The following ATP9B variants were observed in gnomAD, a reference collection of about 807,000 sequenced individuals.
ATP9B encodes ATPase phospholipid transporting 9B.
A neutral mutation model predicts 146.1 loss-of-function variants in ATP9B; 110 were observed. The observed-to-expected ratio is 0.75, with a 90% CI of 0.65 to 0.88. The LOEUF is 0.88. ATP9B is among the 40% of genes least tolerant of loss of function. The probability of loss-of-function intolerance (pLI) is 0.00; values close to 1 mark genes in which losing one functional copy is unlikely to be tolerated. For missense variants in ATP9B, 1,499 were observed against 1,496.4 expected, an observed-to-expected ratio of 1.00 and a Z score of -0.03; for synonymous variants, 604 against 569.7, an observed-to-expected ratio of 1.06 and a Z score of -0.86.
At chr18:79,373,792 C>T in intron 27 of ATP9B, 106 bp from the exon 28 acceptor site, 1 of 1,175,352 alleles carries the variant, frequency 8.5e-7, no homozygotes. Context: ...CCTGGCCTAT[C>T]CCCTATTTTT....
intron 8 of ATP9B, among the ~76,000 whole-genome samples, chr18:79,182,955 G>T (rs1318059660): frequency 6.6e-6 from 1 of 152,072 alleles, no homozygotes; most frequent in East Asian, 1.9e-4. Context: ...TAATAGTAAT[G>T]TGTGCATTGA....
chr18:79,217,030 C>T (rs565693599), intron 11 of ATP9B, among the ~76,000 whole-genome samples: 3 of 152,354 alleles, frequency 2.0e-5, no homozygotes, highest in East Asian at 1.9e-4. Context: ...TGAATCCACA[C>T]GATGGCTCCC....
chr18:79,079,637 G>A (rs1255565384), intron 1 of ATP9B, among the ~76,000 whole-genome samples: 3 of 152,158 alleles, frequency 2.0e-5, no homozygotes, highest in Non-Finnish European at 4.4e-5. Context: ...CTGAGCAGAA[G>A]CTCTTTAGTT....
chr18:79,212,302 A>G (rs1390755787), intron 10 of ATP9B, among the ~76,000 whole-genome samples: 3 of 152,220 alleles, frequency 2.0e-5, no homozygotes, highest in Non-Finnish European at 4.4e-5. Context: ...AAACTTTAAC[A>G]GATTATACAA....
At chr18:79,218,316 G>GGTCACTCAGGGCC in intron 11 of ATP9B, among the ~76,000 whole-genome samples, 1 of 146,948 alleles carries the variant, frequency 6.8e-6, no homozygotes, top group Non-Finnish European at 1.5e-5. Context: ...TGCTGGTCAT[G>GGTCACTCAGGGCC]TTTTCCTTGT....
intron 9 of ATP9B, among the ~76,000 whole-genome samples, chr18:79,196,132 A>G (rs1477342960): frequency 2.0e-5 from 3 of 152,234 alleles, no homozygotes; most frequent in African/African-American, 2.4e-5. Context: ...ACGGAGCCAT[A>G]CAAGAGCAGC....
intron 13 of ATP9B, among the ~76,000 whole-genome samples, chr18:79,296,459 C>T (rs546919840): frequency 6.6e-6 from 1 of 152,300 alleles, no homozygotes; most frequent in African/African-American, 2.4e-5. Flanking sequence ...GGTGAGAATC[C>T]TACGCTAGCT....
intron 4 of ATP9B, among the ~76,000 whole-genome samples, chr18:79,120,720 A>T (rs183133768): frequency 3.9e-5 from 6 of 152,328 alleles, no homozygotes. Context: ...TTAGATAAAG[A>T]AAGCTCTGGC....
intron 17 of ATP9B, among the ~76,000 whole-genome samples, chr18:79,334,362 G>GA (rs1035313638): frequency 4.7e-5 from 7 of 147,516 alleles, no homozygotes; most frequent in Middle Eastern, 6.9e-3. Context: ...GTCTCAAAAA[G>GA]AAAAAAAAAA....
At chr18:79,373,717 A>C (rs28407194) in intron 27 of ATP9B, among the ~76,000 whole-genome samples, 181 bp from the exon 28 acceptor site, 75,480 of 151,862 alleles carry the variant, frequency 0.5, 18,999 homozygotes, top group East Asian at 0.7. Flanking sequence ...TCTGGAACTC[A>C]CGACCTGGTG....
In ATP9B at chr18:79,083,590, G is replaced by A. The variant is rs564774579; in HGVS notation, c.120-12886G>A. Among the ~76,000 whole-genome samples, 6 of 152,268 alleles carry A rather than the reference G, an allele frequency of 3.9e-5. No individual in the cohort carries two copies. In the South Asian group the frequency reaches 6.2e-4, roughly 16 times the overall value. ...GGATTGCGAAGACCATGGGAAGTGC[G>A]TAGTATCTGGGCCAAAATGCTCTGT... On this transcript the variant is annotated intron_variant, in intron 1 of 29. Transcript: ENST00000426216.
intron 12 of ATP9B, among the ~76,000 whole-genome samples, chr18:79,265,403 C>G (rs2096192651): frequency 6.6e-6 from 1 of 152,162 alleles, no homozygotes; most frequent in African/African-American, 2.4e-5. Context: ...CTCGGCCTCC[C>G]AAAGTTCTGG....
chr18:79,069,428 G>T lies in ATP9B; in HGVS notation c.18G>T (p.Pro6=). The change falls in exon 1 of 30, where the codon CCG becomes CCT. Residue 6 remains proline, a synonymous_variant. Coordinates refer to ENST00000426216, the MANE Select transcript of ATP9B (RefSeq NM_198531.5). ...GTCGGAACATGGCGGACCAGATCCC[G>T]CTTTACCCGGTGCGTAGCGCAGCGG... MADQI[P]LYPVRSAAAA... is the part of the protein sequence containing the mutation. The T allele has an allele frequency of 6.6e-7, 1 of 1,520,064 alleles. No individual in the cohort carries two copies. Among genetic ancestry groups the T allele is most frequent in the East Asian group, 2.8e-5 (1 of 36,356 alleles). 94.2% of individuals were successfully genotyped at this position (1,520,064 alleles called of 1,614,324 possible). A position where few individuals can be genotyped will look rare whatever the true frequency, so the allele number is the denominator to read the frequency against.
intron 7 of ATP9B, among the ~76,000 whole-genome samples, chr18:79,174,705 G>T (rs1195476950): frequency 2.0e-5 from 3 of 152,042 alleles, no homozygotes; most frequent in African/African-American, 7.2e-5. Context: ...TTTATATCCT[G>T]TATTTTTGTT....
chr18:79,218,525 C>A (rs1251151864), intron 11 of ATP9B, among the ~76,000 whole-genome samples: 1 of 151,740 alleles, frequency 6.6e-6, no homozygotes, highest in Admixed American at 6.6e-5. Context: ...TGTTTCTTGT[C>A]GTATTTTCCT....
At chr18:79,356,039 A>C (rs1209467413) in intron 25 of ATP9B, among the ~76,000 whole-genome samples, 1 of 152,202 alleles carries the variant, frequency 6.6e-6, no homozygotes, top group African/African-American at 2.4e-5. Context: ...AAGATTCTCC[A>C]AGCTCAGCCA....
intron 2 of ATP9B, among the ~76,000 whole-genome samples, chr18:79,107,815 T>G (rs1446238812): frequency 1.3e-5 from 2 of 152,074 alleles, no homozygotes. Context: ...GTCAGCTCAG[T>G]GAATGGACAT....
At chr18:79,216,233 AC>A (rs2148439379) in intron 11 of ATP9B, among the ~76,000 whole-genome samples, 1 of 151,906 alleles carries the variant, frequency 6.6e-6, no homozygotes, top group East Asian at 1.9e-4. Flanking sequence ...TACACCTGTT[AC>A]TTTTGGCTCG....
intron 1 of ATP9B, among the ~76,000 whole-genome samples, chr18:79,071,049 C>CTTTT (rs746689031): frequency 0.013 from 1,426 of 112,256 alleles, 25 homozygotes; most frequent in Admixed American, 0.015. Context: ...ATTCCTGTTT[C>CTTTT]TTTTTTTTTT....
Sources: gnomAD v4.1 joint callset for allele counts (sites outside exome capture counted in the v4.1 genomes callset) on GRCh38, gnomAD v4.1.1 for gene constraint, MANE v1.5 for transcripts, NCBI Gene and HGNC (gene_info 2026-07-23, HGNC 2026-07-21) for gene names.